The following COL18A1 variants were observed in gnomAD, a reference collection of about 807,000 sequenced individuals.
COL18A1 encodes the protein collagen alpha-1(XVIII) chain.
COL18A1 carries 133 observed loss-of-function variants against 168.0 expected under a neutral mutation model. The observed-to-expected ratio is 0.79, with a 90% confidence interval of 0.69 to 0.91. COL18A1 has a LOEUF of 0.91. COL18A1 is among the 40% of genes least tolerant of loss of function. The probability of loss-of-function intolerance (pLI) is 0.00; values close to 1 mark genes in which losing one functional copy is unlikely to be tolerated. For synonymous variants in COL18A1, 949 were observed against 809.0 expected (o/e 1.17, Z -2.94); for missense variants, 2,126 against 1,925.4 (o/e 1.10, Z -1.95).
chr21:45,472,596 T>C (rs905129485), intron 3 of COL18A1, among the ~76,000 whole-genome samples: 2 of 152,110 alleles, frequency 1.3e-5, no homozygotes, highest in Non-Finnish European at 2.9e-5. Flanking sequence ...GCTGCTGGGC[T>C]GCTGCCCCAC....
intron 2 of COL18A1, among the ~76,000 whole-genome samples, chr21:45,434,326 G>T (rs560206674): frequency 3.3e-5 from 5 of 152,182 alleles, no homozygotes; most frequent in Non-Finnish European, 5.9e-5. Context: ...TGGGACGGGC[G>T]CAGGAGCTCC....
chr21:45,464,229 G>T (rs2035129321), intron 2 of COL18A1, among the ~76,000 whole-genome samples: 1 of 151,992 alleles, frequency 6.6e-6, no homozygotes, highest in Non-Finnish European at 1.5e-5. Context: ...GAGCTCCAAA[G>T]CCTCCCGTTT....
At chr21:45,456,325 C>A (rs1235809024) in intron 2 of COL18A1, 2 of 1,550,840 alleles carry the variant, frequency 1.3e-6, no homozygotes, top group African/African-American at 2.7e-5. Flanking sequence ...CACTTCTGCA[C>A]CCCCTGGTGA....
Position 45,512,177 on chromosome 21 carries a change from G to A in COL18A1, c.3810-11G>A, listed in dbSNP as rs371750491. 1.5e-4 allele frequency: 235 copies of A among 1,609,198 alleles called. 1 individual carries two copies. In the East Asian group the frequency reaches 3.3e-3, roughly 23 times the overall value. ...GTCTGGGTTTGACTGACGGCCCGGC[G>A]CGTCTTACAGGCCCCAGAAGAGCGT... is the stretch of plus-strand genomic sequence containing the variant. On this transcript the variant is annotated splice_polypyrimidine_tract_variant and intron_variant, in intron 41 of 41. Coordinates refer to ENST00000651438, the MANE Select transcript of COL18A1 (RefSeq NM_001379500.1).
intron 2 of COL18A1, among the ~76,000 whole-genome samples, chr21:45,433,880 GCAGGTGCCAGGAGC>G (rs1397791868): frequency 1.3e-5 from 2 of 152,234 alleles, no homozygotes; most frequent in African/African-American, 4.8e-5. Flanking sequence ...GGGGCACTGA[GCAGGTGCCAGGAGC>G]CAGGTGGTGT....
chr21:45,474,922 C>T (rs368337064), intron 4 of COL18A1, among the ~76,000 whole-genome samples: 7 of 152,198 alleles, frequency 4.6e-5, no homozygotes, highest in Non-Finnish European at 8.8e-5. Context: ...GTTCACATGG[C>T]GGCCATGACA....
chr21:45,457,748 C>T lies in COL18A1; in HGVS notation c.107-10494C>T, dbSNP rs958263308. Among the ~76,000 whole-genome samples, 1 of 152,188 alleles carries T rather than the reference C, an allele frequency of 6.6e-6. No individual in the cohort carries two copies. Among genetic ancestry groups the T allele is most frequent in the African/African-American group, 2.4e-5 (1 of 41,464 alleles). ...CCCTATCCCCGCAGGGTGAGGTGCTCTGTCCTCCTCTGCTGTCCTCCCCAT... is the reference window on the plus strand; with the variant it reads ...CCCTATCCCCGCAGGGTGAGGTGCTTTGTCCTCCTCTGCTGTCCTCCCCAT... On this transcript the variant is annotated intron_variant, in intron 2 of 41. Coordinates refer to ENST00000651438, the MANE Select transcript of COL18A1 (RefSeq NM_001379500.1). The surrounding 1 kb of genome is among the most constrained non-coding windows in gnomAD (Gnocchi z 4.6).
intron 2 of COL18A1, among the ~76,000 whole-genome samples, chr21:45,440,086 G>C (rs936272623): frequency 6.6e-6 from 1 of 152,224 alleles, no homozygotes; most frequent in Non-Finnish European, 1.5e-5. Context: ...CCGATGATGG[G>C]GCAAACGTCT....
At chr21:45,509,320 C>G in intron 38 of COL18A1, 36 bp from the exon 39 acceptor site, 1 of 1,535,256 alleles carries the variant, frequency 6.5e-7, no homozygotes, top group South Asian at 1.2e-5. Flanking sequence ...CCCGGAGGGT[C>G]CCCCCGCCGA....
intron 31 of COL18A1, 103 bp from the exon 32 acceptor site, chr21:45,497,496 C>G (rs1052208467): frequency 2.1e-6 from 3 of 1,437,860 alleles, no homozygotes; most frequent in African/African-American, 1.4e-5. Context: ...TGATGCCCCC[C>G]CATCCAGGCC....
chr21:45,451,381 C>A (rs1173434808), intron 2 of COL18A1, among the ~76,000 whole-genome samples: 2 of 152,208 alleles, frequency 1.3e-5, no homozygotes, highest in African/African-American at 4.8e-5. Flanking sequence ...AGGAAGGGAG[C>A]CCCTTGGCCC....
chr21:45,505,498 C>T (rs2037143659), intron 36 of COL18A1, 67 bp downstream of exon 36: 1 of 847,948 alleles, frequency 1.2e-6, no homozygotes, highest in Non-Finnish European at 1.9e-6. Flanking sequence ...AGCCCCTGCC[C>T]CTCAGAGACA....
rs779405324 is a variant in COL18A1, at chr21:45,477,833, T to C, written c.1089T>C (p.Pro363=). The stretch of plus-strand genomic sequence containing the variant: ...GCCCCCCAGGATCCCCATGCCTACC[T>C]GGTCCCCCGGGTCTCCCGTGCCCAG... ...RAGPPGSPCL[P]GPPGLPCPVS... Residue 363 remains proline (P), a synonymous_variant, in exon 8 of 42, where the codon CCT becomes CCC. Coordinates refer to ENST00000651438, the MANE Select transcript of COL18A1 (RefSeq NM_001379500.1). 7.7e-6 allele frequency: 12 copies of C among 1,552,744 alleles called. No homozygotes were observed. Among genetic ancestry groups the C allele is most frequent in the Non-Finnish European group, 1.0e-5 (12 of 1,148,056 alleles).
In COL18A1 at chr21:45,438,100, ACT is replaced by A. The variant is rs1192556043; in HGVS notation, c.107-30140_107-30139del. Among the ~76,000 whole-genome samples the A allele has an allele frequency of 5.6e-4, 66 of 117,836 alleles. 3 individuals carry two copies. Among genetic ancestry groups the A allele is most frequent in the African/African-American group, 2.3e-3 (61 of 26,624 alleles). 77.3% of individuals were successfully genotyped at this position (117,836 alleles called of 152,430 possible). ...CAAGCACTCTCCTGCACACACTCAC[ACT>A]CACACTCAGACACACAGGCACTCTC... On this transcript the variant is annotated intron_variant, in intron 2 of 41. Transcript: ENST00000651438.
chr21:45,486,165 G>A (rs549843737), intron 15 of COL18A1, among the ~76,000 whole-genome samples: 6 of 152,268 alleles, frequency 3.9e-5, no homozygotes, highest in Admixed American at 1.3e-4. Flanking sequence ...CACGGCTTTC[G>A]GACTAATAGA....
chr21:45,509,589 C>T lies in COL18A1; in HGVS notation c.3483C>T (p.Asp1161=). Residue 1161 remains aspartate (D), a synonymous_variant, in exon 39 of 42, where the codon GAC becomes GAT. Transcript: ENST00000651438. ...PTSPPAHSHR[D]FQPVLHLVAL... Reference sequence around the variant, plus strand: ...GCCCACCCGCCCACAGCCACCGCGACTTCCAGCCGGTGGTGAGTGCCCCCC... The same window carrying T: ...GCCCACCCGCCCACAGCCACCGCGATTTCCAGCCGGTGGTGAGTGCCCCCC... 1.3e-6 allele frequency: 2 copies of T among 1,506,100 alleles called. No individual in the cohort carries two copies. Among genetic ancestry groups the T allele is most frequent in the Non-Finnish European group, 8.9e-7 (1 of 1,125,114 alleles). The allele number at this position is 1,506,100 out of a possible 1,614,324, so 93.3% of individuals were successfully genotyped here.
chr21:45,413,906 C>G (rs569658338), intron 2 of COL18A1, among the ~76,000 whole-genome samples: 1 of 152,128 alleles, frequency 6.6e-6, no homozygotes, highest in Non-Finnish European at 1.5e-5. Flanking sequence ...GGGGCAGGAG[C>G]CTTATGGAGT....
chr21:45,479,876 C>A, intron 9 of COL18A1, 26 bp from the exon 10 acceptor site: 1 of 1,613,220 alleles, frequency 6.2e-7, no homozygotes. Context: ...CCTTCCCTGA[C>A]CGGGCCCCCG....
rs747833734 is a variant in COL18A1, at chr21:45,505,894, G to T, written c.3144G>T (p.Glu1048Asp). 1.9e-6 allele frequency: 3 copies of T among 1,612,818 alleles called. No homozygotes were observed. The African/African-American group carries it at 4.0e-5, about 22-fold the overall frequency. The part of the protein sequence containing the change: ...AMLGQVHEVP[E>D]GWLIFVAEQE... ...TGGGCCAGGTGCACGAGGTTCCCGA[G>T]GGCTGGCTCATCTTCGTGGCCGAGC... Residue 1048 changes from glutamate (E) to aspartate (D), a missense_variant, in exon 37 of 42, where the codon GAG (glutamate) becomes GAT (aspartate). By Grantham distance (45) the Glu-to-Asp change is conservative. Transcript: ENST00000651438.
Sources: allele counts gnomAD v4.1 joint callset (sites outside exome capture counted in the v4.1 genomes callset), GRCh38; gene constraint gnomAD v4.1.1; non-coding constraint Gnocchi (gnomAD v3.1); transcripts MANE v1.5; gene names NCBI Gene and HGNC (gene_info 2026-07-23, HGNC 2026-07-21).